Variants in SH3GL2 observed in about 807,000 individuals in gnomAD.
SH3GL2 encodes the protein endophilin-A1.
SH3GL2 carries 24 observed loss-of-function variants against 46.0 expected under a neutral mutation model. The observed-to-expected ratio is 0.52, with a 90% CI of 0.38 to 0.73. The LOEUF (loss-of-function observed/expected upper bound fraction) is 0.73. SH3GL2 is among the 30% of genes least tolerant of loss of function. The pLI is 0.00. For missense variants in SH3GL2, 413 were observed against 424.2 expected (o/e 0.97, Z 0.23); for synonymous variants, 196 against 147.1 (o/e 1.33, Z -2.40).
At chr9:17,718,753 C>G (rs147335466) in intron 1 of SH3GL2, among the ~76,000 whole-genome samples, 26 of 152,154 alleles carry the variant, frequency 1.7e-4, no homozygotes, top group African/African-American at 5.8e-4. Flanking sequence ...AACTCCCAGG[C>G]CCCACCTCCA....
At chr9:17,669,036 AT>A (rs1820409083) in intron 1 of SH3GL2, among the ~76,000 whole-genome samples, 1 of 152,214 alleles carries the variant, frequency 6.6e-6, no homozygotes, top group African/African-American at 2.4e-5. Context: ...GCATATGTAT[AT>A]GAGTCTATTT....
chr9:17,619,162 T>C (rs959457100), intron 1 of SH3GL2, among the ~76,000 whole-genome samples: 1 of 152,178 alleles, frequency 6.6e-6, no homozygotes, highest in African/African-American at 2.4e-5. Flanking sequence ...AGTAACTTGC[T>C]CAAGATCCCC....
intron 8 of SH3GL2, among the ~76,000 whole-genome samples, chr9:17,794,576 G>T (rs1166880342): frequency 6.6e-6 from 1 of 152,096 alleles, no homozygotes; most frequent in Non-Finnish European, 1.5e-5. Flanking sequence ...TCAGTAATTT[G>T]CTTCTTTCTC....
At chr9:17,584,328 T>C (rs1588155690) in intron 1 of SH3GL2, among the ~76,000 whole-genome samples, 1 of 152,030 alleles carries the variant, frequency 6.6e-6, no homozygotes, top group South Asian at 2.1e-4. Flanking sequence ...CAGTGAAACC[T>C]CGTCTCTACT....
intron 1 of SH3GL2, among the ~76,000 whole-genome samples, chr9:17,705,735 G>A (rs1265971586): frequency 6.6e-6 from 1 of 151,966 alleles, no homozygotes; most frequent in Non-Finnish European, 1.5e-5. Context: ...TCAGGTATAA[G>A]TGGGAGCTAA....
intron 1 of SH3GL2, among the ~76,000 whole-genome samples, chr9:17,738,702 G>A (rs1193791615): frequency 6.7e-6 from 1 of 149,090 alleles, no homozygotes; most frequent in East Asian, 2.0e-4. Context: ...ATTGCCTCAT[G>A]TGATTATGTT....
At chr9:17,664,585 T>C (rs10122161) in intron 1 of SH3GL2, among the ~76,000 whole-genome samples, 2,215 of 152,122 alleles carry the variant, frequency 0.015, 74 homozygotes, top group African/African-American at 0.05. Context: ...TATCAAACTT[T>C]TGAAAAACAA....
intron 1 of SH3GL2, among the ~76,000 whole-genome samples, chr9:17,727,366 AG>A (rs1236947512): frequency 6.6e-6 from 1 of 152,226 alleles, no homozygotes; most frequent in Admixed American, 6.5e-5. Context: ...ACATTTTAAA[AG>A]TGTAAAAACA....
intron 1 of SH3GL2, among the ~76,000 whole-genome samples, chr9:17,680,373 C>G (rs1820735900): frequency 1.3e-5 from 2 of 151,988 alleles, no homozygotes; most frequent in African/African-American, 4.8e-5. Flanking sequence ...TGTATGTGTC[C>G]AGGAATTTAT....
chr9:17,616,912 T>G (rs1035739568), intron 1 of SH3GL2, among the ~76,000 whole-genome samples: 1 of 152,220 alleles, frequency 6.6e-6, no homozygotes, highest in East Asian at 1.9e-4. Context: ...GTCTGAATTC[T>G]ACTCCTTCCC....
chr9:17,604,413 G>A lies in SH3GL2; in HGVS notation c.45+25126G>A, dbSNP rs141055929. 5.3e-5 allele frequency among the ~76,000 whole-genome samples: 8 copies of A among 152,332 alleles called. No homozygotes were observed. The East Asian group carries it at 5.8e-4, about 11-fold the overall frequency. On this transcript the variant is annotated intron_variant, in intron 1 of 8. Transcript: ENST00000380607. The stretch of plus-strand genomic sequence containing the variant: ...GAATGCATTTTAGGTGCTTAGCATA[G>A]TATTTTCACACAGTAAGTAACACAT...
intron 1 of SH3GL2, among the ~76,000 whole-genome samples, chr9:17,737,960 C>G (rs72715473): frequency 6.6e-6 from 1 of 152,256 alleles, no homozygotes; most frequent in Non-Finnish European, 1.5e-5. Flanking sequence ...GCCCAGCCTA[C>G]AGGAAGCTTT....
At chr9:17,686,507 T>G (rs34361539) in intron 1 of SH3GL2, among the ~76,000 whole-genome samples, 1 of 140,408 alleles carries the variant, frequency 7.1e-6, no homozygotes, top group South Asian at 2.5e-4. Flanking sequence ...TATTGCGGCA[T>G]TATCCACAAT....
intron 1 of SH3GL2, among the ~76,000 whole-genome samples, chr9:17,596,664 A>G (rs1416384251): frequency 6.6e-6 from 1 of 152,250 alleles, no homozygotes; most frequent in Non-Finnish European, 1.5e-5. Context: ...TGAATGCGGA[A>G]CATTGTTAAT....
chr9:17,661,764 G>A (rs1048143885), intron 1 of SH3GL2, among the ~76,000 whole-genome samples: 1 of 152,128 alleles, frequency 6.6e-6, no homozygotes, highest in African/African-American at 2.4e-5. Flanking sequence ...TTGAAAGGTA[G>A]CATAGTATAG....
chr9:17,579,351 C>T (rs1392531992), intron 1 of SH3GL2, 64 bp downstream of exon 1: 7 of 1,195,194 alleles, frequency 5.9e-6, no homozygotes, highest in Non-Finnish European at 2.3e-6. Context: ...GCGCGCTCGG[C>T]GCTGGCCGTC....
At chr9:17,646,279 T>C (rs868654014) in intron 1 of SH3GL2, among the ~76,000 whole-genome samples, 1 of 152,062 alleles carries the variant, frequency 6.6e-6, no homozygotes, top group Non-Finnish European at 1.5e-5. Context: ...TCCTCTAACC[T>C]TTTATCAAAG....
intron 1 of SH3GL2, among the ~76,000 whole-genome samples, chr9:17,591,487 C>T (rs1050712994): frequency 5.3e-5 from 8 of 152,026 alleles, no homozygotes; most frequent in African/African-American, 1.7e-4. Context: ...ATTTAGATTA[C>T]ATAAATTGCT....
At chr9:17,668,371 A>G (rs1368451792) in intron 1 of SH3GL2, among the ~76,000 whole-genome samples, 1 of 152,186 alleles carries the variant, frequency 6.6e-6, no homozygotes, top group Non-Finnish European at 1.5e-5. Flanking sequence ...TTTTGAAACG[A>G]CTGTTCTTTC....
Sources: gnomAD v4.1 joint callset for allele counts (sites outside exome capture counted in the v4.1 genomes callset) on GRCh38, gnomAD v4.1.1 for gene constraint, MANE v1.5 for transcripts, NCBI Gene and HGNC (gene_info 2026-07-23, HGNC 2026-07-21) for gene names.